The following PIAS4 variants were observed in gnomAD, a reference collection of about 807,000 sequenced individuals.
The protein encoded by PIAS4 is E3 SUMO-protein ligase PIAS4.
A neutral mutation model predicts 58.0 loss-of-function variants in PIAS4; 7 were observed. The ratio of observed to expected loss-of-function variants is 0.12; its 90% CI spans 0.07 to 0.23. PIAS4 has a LOEUF of 0.23. Ranked by LOEUF, PIAS4 falls within the 10% of genes least tolerant of loss-of-function variation. The pLI, the probability that PIAS4 is intolerant of heterozygous loss-of-function variation, is 1.00. For missense variants in PIAS4, 550 were observed against 709.5 expected, an observed-to-expected ratio of 0.78 and a Z score of 2.55; for synonymous variants, 364 against 312.4, an observed-to-expected ratio of 1.17 and a Z score of -1.74.
rs952749535 is a variant in PIAS4 at position 4,038,229 on chromosome 19, CCCCGCCG to C, written c.*365_*371del. The C allele has an allele frequency of 3.7e-4, 89 of 243,178 alleles. No individual in the cohort carries two copies. The highest frequency in any genetic ancestry group is 2.4e-3 in the East Asian group (16 of 6,674). 15.1% of individuals were successfully genotyped at this position (243,178 alleles called of 1,614,324 possible). A position where few individuals can be genotyped will look rare whatever the true frequency, so the allele number is the denominator to read the frequency against. The stretch of plus-strand genomic sequence containing the variant: ...CGCCCCGCGCCCTCCCCTCCGGATG[CCCCGCCG>C]CCCGCCGCCCTCTGCCCACGACCAT... On this transcript the variant is annotated 3_prime_UTR_variant, in exon 11 of 11. Transcript: ENST00000262971. This position sits in a 1 kb window ranked among gnomAD's most constrained non-coding sequence, Gnocchi z 4.1.
intron 3 of PIAS4, among the ~76,000 whole-genome samples, chr19:4,025,135 G>A (rs187295919): frequency 1.3e-5 from 2 of 152,326 alleles, no homozygotes; most frequent in African/African-American, 4.8e-5. Context: ...AGTGAGGTGG[G>A]ATGGTTCCCT....
intron 2 of PIAS4, among the ~76,000 whole-genome samples, chr19:4,022,319 T>TAG (rs952170272): frequency 2.0e-5 from 3 of 152,122 alleles, no homozygotes; most frequent in African/African-American, 7.2e-5. Flanking sequence ...GTTGTTCAGC[T>TAG]AGAGTTTTGT....
At chr19:4,014,473 G>A (rs894707370) in intron 2 of PIAS4, among the ~76,000 whole-genome samples, 2 of 152,182 alleles carry the variant, frequency 1.3e-5, no homozygotes, top group South Asian at 2.1e-4. Flanking sequence ...GGGCCTTTGC[G>A]GACCTGTGCC....
chr19:4,036,096 TCATA>T lies in PIAS4; in HGVS notation c.1143-1275_1143-1272del, dbSNP rs771342565. On this transcript the variant is annotated intron_variant, in intron 9 of 10. Transcript: ENST00000262971. The stretch of plus-strand genomic sequence containing the variant: ...TCACACATCCGTACAGTCCACACCG[TCATA>T]CAAACACACACACATCTATACAGTC... Among the ~76,000 whole-genome samples the T allele has an allele frequency of 4.0e-3, 215 of 53,962 alleles. 16 individuals are homozygous for T. The highest frequency in any genetic ancestry group is 0.028 in the East Asian group (40 of 1,438). 35.4% of individuals were successfully genotyped at this position (53,962 alleles called of 152,430 possible).
At position 4,030,178 on chromosome 19, in the gene PIAS4, G is replaced by T; in HGVS notation, c.907+1142G>T. 1.3e-5 allele frequency among the ~76,000 whole-genome samples: 2 copies of T among 149,656 alleles called. 1 individual carries two copies. The highest frequency in any genetic ancestry group is 4.2e-4 in the South Asian group (2 of 4,732). ...GAATCTTGCTGTGTTGCCCAGGCTG[G>T]TCGTAAACTCCTGAGCTCAAGCAGT... On this transcript the variant is annotated intron_variant, in intron 7 of 10. Transcript: ENST00000262971.
At chr19:4,033,686 G>T in intron 9 of PIAS4, 106 bp downstream of exon 9, 1 of 939,142 alleles carries the variant, frequency 1.1e-6, no homozygotes, top group South Asian at 1.6e-5. Context: ...AGACACAGCA[G>T]TGGGGGCACA....
chr19:4,023,601 C>A (rs2040132444), intron 2 of PIAS4, among the ~76,000 whole-genome samples: 1 of 152,234 alleles, frequency 6.6e-6, no homozygotes. Context: ...ACCCCCCGCA[C>A]CACCTCTGTC....
At chr19:4,029,840 T>G (rs1279506958) in intron 7 of PIAS4, among the ~76,000 whole-genome samples, 1 of 59,578 alleles carries the variant, frequency 1.7e-5, no homozygotes, top group African/African-American at 5.8e-5. Context: ...TTTTTTTTTT[T>G]GAGACAGAGT....
At chr19:4,026,139 TTC>T (rs2040161959) in intron 3 of PIAS4, among the ~76,000 whole-genome samples, 2 of 149,936 alleles carry the variant, frequency 1.3e-5, no homozygotes, top group Non-Finnish European at 2.9e-5. Flanking sequence ...CTTTTTCTTT[TTC>T]TTTTTTTTTT....
chr19:4,023,415 G>A (rs1054866710), intron 2 of PIAS4, among the ~76,000 whole-genome samples: 98 of 152,280 alleles, frequency 6.4e-4, no homozygotes, highest in African/African-American at 2.2e-3. Context: ...AGCCGAGATC[G>A]TGCCATTGCA....
In PIAS4 at chr19:4,037,968, T is replaced by C. The variant is rs72976977; in HGVS notation, c.*93T>C. 196,212 of 1,340,950 alleles carry C rather than the reference T, an allele frequency of 0.15. 15,540 individuals are homozygous for C. The highest frequency in any genetic ancestry group is 0.18 in the Middle Eastern group (943 of 5,238). 83.1% of individuals were successfully genotyped at this position (1,340,950 alleles called of 1,614,324 possible). ...GAGGGAGGAGTGACCTTTCTTTTTC[T>C]TTTTATTGTCGTTCGTTTTGTTTTT... On this transcript the variant is annotated 3_prime_UTR_variant, in exon 11 of 11. Transcript: ENST00000262971. The surrounding 1 kb of genome is among the most constrained non-coding windows in gnomAD (Gnocchi z 5.8).
rs551465706 is a variant in PIAS4, at chr19:4,029,494, G to A, written c.907+458G>A. On this transcript the variant is annotated intron_variant, in intron 7 of 10. Coordinates refer to ENST00000262971, the MANE Select transcript of PIAS4 (RefSeq NM_015897.4). ...GAGGCAGTTGCTGTGGGAGGAAGACGGGCGGCGGCGGTCTGACCTCACGTT... is the reference window on the plus strand; with the variant it reads ...GAGGCAGTTGCTGTGGGAGGAAGACAGGCGGCGGCGGTCTGACCTCACGTT... Among the ~76,000 whole-genome samples, 157 of 152,248 alleles carry A rather than the reference G, an allele frequency of 1.0e-3. 1 individual carries two copies. Among genetic ancestry groups the A allele is most frequent in the African/African-American group, 3.7e-3 (154 of 41,560 alleles).
At chr19:4,030,079 C>T (rs530649689) in intron 7 of PIAS4, among the ~76,000 whole-genome samples, 1 of 151,616 alleles carries the variant, frequency 6.6e-6, no homozygotes, top group South Asian at 2.1e-4. Flanking sequence ...GCCTCGGCCT[C>T]CCAAAGTGCT....
chr19:4,015,525 C>G (rs1197074249), intron 2 of PIAS4, among the ~76,000 whole-genome samples: 1 of 152,194 alleles, frequency 6.6e-6, no homozygotes, highest in Non-Finnish European at 1.5e-5. Context: ...ACCTCCTTTC[C>G]TGGATTCCGT....
chr19:4,027,769 C>T (rs939898757), intron 3 of PIAS4, among the ~76,000 whole-genome samples: 1 of 152,042 alleles, frequency 6.6e-6, no homozygotes, highest in African/African-American at 2.4e-5. Context: ...AGGCTCGTCT[C>T]AAATTCCTGG....
intron 1 of PIAS4, among the ~76,000 whole-genome samples, chr19:4,008,084 C>T (rs1433701984): frequency 2.6e-5 from 4 of 151,966 alleles, no homozygotes; most frequent in African/African-American, 9.7e-5. Context: ...GAGCGCCAGG[C>T]CAGGGCCGCG....
chr19:4,035,140 C>T (rs1025560726), intron 9 of PIAS4, among the ~76,000 whole-genome samples: 4 of 152,136 alleles, frequency 2.6e-5, no homozygotes, highest in South Asian at 4.1e-4. Flanking sequence ...CTCCGAGCAT[C>T]GCCTCAGAGA....
At chr19:4,022,162 G>A (rs146820442) in intron 2 of PIAS4, among the ~76,000 whole-genome samples, 78 of 152,264 alleles carry the variant, frequency 5.1e-4, no homozygotes, top group African/African-American at 1.7e-3. Flanking sequence ...TTGCATCTTT[G>A]GGAGGATTTG....
intron 7 of PIAS4, among the ~76,000 whole-genome samples, chr19:4,030,084 A>G (rs2040208781): frequency 6.6e-6 from 1 of 150,922 alleles, no homozygotes; most frequent in Admixed American, 6.6e-5. Flanking sequence ...GGCCTCCCAA[A>G]GTGCTGGGAT....
Sources: allele counts gnomAD v4.1 joint callset (sites outside exome capture counted in the v4.1 genomes callset), GRCh38; gene constraint gnomAD v4.1.1; non-coding constraint Gnocchi (gnomAD v3.1); transcripts MANE v1.5; gene names NCBI Gene and HGNC (gene_info 2026-07-23, HGNC 2026-07-21).